Variants in PLCH1 observed in about 807,000 individuals in gnomAD.
The protein encoded by PLCH1 is 1-phosphatidylinositol 4,5-bisphosphate phosphodiesterase eta-1.
In PLCH1, 60 loss-of-function variants were observed where a neutral mutation model predicts 126.7. The observed-to-expected ratio is 0.47, with a 90% CI of 0.38 to 0.59. PLCH1 has a LOEUF of 0.59. Among genes scored for constraint, PLCH1 ranks in the 20% least tolerant of loss-of-function variants. The probability of loss-of-function intolerance (pLI) is 0.00; values close to 1 mark genes in which losing one functional copy is unlikely to be tolerated. For missense variants in PLCH1, 1,723 were observed against 2,040.0 expected, an observed-to-expected ratio of 0.84 and a Z score of 2.99; for synonymous variants, 719 against 734.9, an observed-to-expected ratio of 0.98 and a Z score of 0.35.
At chr3:155,498,480 T>C (rs937599799) in intron 14 of PLCH1, among the ~76,000 whole-genome samples, 7 of 152,194 alleles carry the variant, frequency 4.6e-5, no homozygotes, top group African/African-American at 1.7e-4. Context: ...ATTTGTGAGT[T>C]CTGCTGTGGA....
chr3:155,638,511 T>A (rs1446173281), intron 2 of PLCH1, among the ~76,000 whole-genome samples: 1 of 152,208 alleles, frequency 6.6e-6, no homozygotes, highest in African/African-American at 2.4e-5. Flanking sequence ...CCAACAAAGC[T>A]CATCCTTCTT....
At chr3:155,494,071 A>G (rs1716644578) in intron 17 of PLCH1, 70 bp downstream of exon 17, 1 of 1,212,934 alleles carries the variant, frequency 8.2e-7, no homozygotes, top group South Asian at 1.2e-5. Context: ...CTTCCTTAAT[A>G]AAGGTTGCCT....
At chr3:155,627,967 ATGTTGGCCAGGTTGATCTCGAAC>A in intron 2 of PLCH1, among the ~76,000 whole-genome samples, 2 of 151,922 alleles carry the variant, frequency 1.3e-5, no homozygotes, top group Middle Eastern at 6.8e-3. Context: ...GGGTTTCGCC[ATGTTGGCCAGGTTGATCTCGAAC>A]TCCTGACCTC....
intron 2 of PLCH1, among the ~76,000 whole-genome samples, chr3:155,608,718 C>T (rs968617321): frequency 2.0e-5 from 3 of 152,136 alleles, no homozygotes; most frequent in Non-Finnish European, 4.4e-5. Flanking sequence ...AGAGTCTGAG[C>T]TCAGACCCGC....
At chr3:155,596,578 GAAA>G (rs34847648) in intron 2 of PLCH1, among the ~76,000 whole-genome samples, 200 bp from the exon 3 acceptor site, 3 of 135,712 alleles carry the variant, frequency 2.2e-5, no homozygotes, top group African/African-American at 5.5e-5. Context: ...CTTACTAACA[GAAA>G]AAAAAAAAAA....
intron 2 of PLCH1, among the ~76,000 whole-genome samples, chr3:155,638,638 T>C (rs564868049): frequency 6.6e-6 from 1 of 152,368 alleles, no homozygotes; most frequent in Admixed American, 6.5e-5. Flanking sequence ...TACTTCCAAC[T>C]CTAGAAATGA....
At chr3:155,504,182 C>T (rs1318637891) in intron 13 of PLCH1, among the ~76,000 whole-genome samples, 1 of 152,000 alleles carries the variant, frequency 6.6e-6, no homozygotes, top group East Asian at 1.9e-4. Context: ...AATTAAGTTG[C>T]CTATCTTTTT....
chr3:155,539,962 C>T (rs142985473), intron 10 of PLCH1, among the ~76,000 whole-genome samples: 22 of 152,026 alleles, frequency 1.4e-4, no homozygotes, highest in East Asian at 3.9e-4. Context: ...CAAATTTGGA[C>T]GCATAACATT....
chr3:155,610,276 G>C (rs142642361), intron 2 of PLCH1, among the ~76,000 whole-genome samples: 2 of 147,600 alleles, frequency 1.4e-5, no homozygotes, highest in South Asian at 4.5e-4. Context: ...CAGGAGAATC[G>C]CTTGAACCTG....
At chr3:155,627,646 AC>A (rs1463383199) in intron 2 of PLCH1, among the ~76,000 whole-genome samples, 69 of 152,014 alleles carry the variant, frequency 4.5e-4, no homozygotes, top group African/African-American at 1.5e-3. Flanking sequence ...AAAAAAAAAA[AC>A]AAATTGAAAA....
intron 2 of PLCH1, among the ~76,000 whole-genome samples, chr3:155,680,757 A>G (rs1404018973): frequency 7.2e-5 from 11 of 152,250 alleles, no homozygotes; most frequent in African/African-American, 2.7e-4. Flanking sequence ...AAATCTATAT[A>G]GAAGGAAGTA....
intron 2 of PLCH1, among the ~76,000 whole-genome samples, chr3:155,618,782 T>G (rs1736102443): frequency 6.6e-6 from 1 of 152,138 alleles, no homozygotes; most frequent in Non-Finnish European, 1.5e-5. Flanking sequence ...AGGAGCTTCC[T>G]GAGGGGAAGA....
intron 11 of PLCH1, among the ~76,000 whole-genome samples, chr3:155,515,380 A>G (rs1720181016): frequency 6.6e-6 from 1 of 152,256 alleles, no homozygotes; most frequent in African/African-American, 2.4e-5. Flanking sequence ...AAAATATGCT[A>G]TTAAAATAAA....
intron 2 of PLCH1, among the ~76,000 whole-genome samples, chr3:155,601,296 C>G (rs573320888): frequency 4.6e-5 from 7 of 152,136 alleles, no homozygotes; most frequent in African/African-American, 1.7e-4. Context: ...TTAAATAATT[C>G]AATTTTTTAA....
chr3:155,468,531 A>T (rs1025349234), intron 21 of PLCH1, among the ~76,000 whole-genome samples: 1 of 152,194 alleles, frequency 6.6e-6, no homozygotes, highest in Non-Finnish European at 1.5e-5. Flanking sequence ...ATAGACTGAA[A>T]ATAAACGGAT....
chr3:155,740,595 A>T (rs1288494870), intron 1 of PLCH1, among the ~76,000 whole-genome samples: 3 of 151,946 alleles, frequency 2.0e-5, no homozygotes, highest in African/African-American at 4.8e-5. Flanking sequence ...TCATAACTGT[A>T]ATCCCAGCAC....
At chr3:155,474,041 A>G (rs981537153) in intron 21 of PLCH1, among the ~76,000 whole-genome samples, 3 of 152,188 alleles carry the variant, frequency 2.0e-5, no homozygotes, top group Non-Finnish European at 4.4e-5. Context: ...CTAAAACACC[A>G]AAAGCAGTGG....
intron 2 of PLCH1, among the ~76,000 whole-genome samples, chr3:155,616,677 A>C (rs1735843503): frequency 6.6e-6 from 1 of 152,172 alleles, no homozygotes; most frequent in Non-Finnish European, 1.5e-5. Flanking sequence ...CTACAGGAAA[A>C]GGGGACAGAG....
chr3:155,743,148 A>G, intron 1 of PLCH1: 1 of 374,560 alleles, frequency 2.7e-6, no homozygotes, highest in Non-Finnish European at 5.2e-6. Flanking sequence ...TAAGATGTGT[A>G]CTTTTGCCAA....
Sources: gnomAD v4.1 joint callset for allele counts (sites outside exome capture counted in the v4.1 genomes callset) on GRCh38, gnomAD v4.1.1 for gene constraint, MANE v1.5 for transcripts, NCBI Gene and HGNC (gene_info 2026-07-23, HGNC 2026-07-21) for gene names.